ABCA1: variants seen among roughly 807,000 people sequenced by gnomAD.
ABCA1 encodes phospholipid-transporting ATPase ABCA1.
Under a neutral mutation model 262.5 loss-of-function variants are expected in ABCA1, and 133 were observed. The observed-to-expected ratio is 0.51, with a 90% CI of 0.44 to 0.59. ABCA1 has a LOEUF of 0.59. ABCA1 is among the 20% of genes least tolerant of loss of function. The pLI is 0.00. For synonymous variants in ABCA1, 1,022 were observed against 1,043.5 expected, an observed-to-expected ratio of 0.98 and a Z score of 0.40; for missense variants, 2,452 against 2,777.5, an observed-to-expected ratio of 0.88 and a Z score of 2.63.
intron 5 of ABCA1, among the ~76,000 whole-genome samples, chr9:104,868,479 T>C (rs1837290746): frequency 6.6e-6 from 1 of 152,204 alleles, no homozygotes; most frequent in South Asian, 2.1e-4. Flanking sequence ...TTCGCTCGGG[T>C]AACTGGAAGG....
At position 104,884,453 on chromosome 9, in the gene ABCA1, T is replaced by G; in HGVS notation, c.276A>C (p.Gly92=). The G allele has an allele frequency of 6.2e-7, 1 of 1,614,170 alleles. No individual in the cohort carries two copies. Among genetic ancestry groups the G allele is most frequent in the African/African-American group, 1.3e-5 (1 of 75,050 alleles). The stretch of plus-strand genomic sequence containing the variant: ...TGGATTTGTTAAAGTTTCCAACAAC[T>G]CCGGGAGCCTCCCCAGGAGTCGGGT... ...FRYPTPGEAP[G]VVGNFNKSIV... The change falls in exon 4 of 50, where the codon GGA becomes GGC. Residue 92 remains glycine, a synonymous_variant. Coordinates refer to ENST00000374736, the MANE Select transcript of ABCA1 (RefSeq NM_005502.4).
At chr9:104,806,084 G>T (rs569543671) in intron 31 of ABCA1, among the ~76,000 whole-genome samples, 157 bp downstream of exon 31, 67 of 151,948 alleles carry the variant, frequency 4.4e-4, no homozygotes, top group African/African-American at 1.5e-3. Flanking sequence ...CAGCCTGGGC[G>T]ACAGAGCAAG....
At position 104,831,703 on chromosome 9, in the gene ABCA1, C is replaced by T. The variant is rs545151589; in HGVS notation, c.1634G>A (p.Ser545Asn). 127 of 1,614,200 alleles carry T rather than the reference C, an allele frequency of 7.9e-5. 1 individual carries two copies. In the South Asian group the frequency reaches 1.4e-3, roughly 17 times the overall value. ...CTTGACATGATGGGGCAGCTCAATG[C>T]TGCCTGGAGTAATTCCAGTGAACAC... ...GIVFTGITPGSIELPHHVKYK... is the reference protein window; with the variant it reads ...GIVFTGITPGNIELPHHVKYK... Residue 545 changes from serine (S) to asparagine (N), a missense_variant, in exon 13 of 50, where the codon AGC becomes AAC. Ser to Asn is a conservative substitution (Grantham distance 46, BLOSUM62 1). Coordinates refer to ENST00000374736, the MANE Select transcript of ABCA1 (RefSeq NM_005502.4).
rs1422665327 is a variant in ABCA1 at position 104,862,674 on chromosome 9, C to T, written c.422-874G>A. 2.3e-3 allele frequency among the ~76,000 whole-genome samples: 21 copies of T among 9,220 alleles called. 4 individuals carry two copies. The highest frequency in any genetic ancestry group is 4.8e-3 in the Non-Finnish European group (19 of 3,932). 6.0% of individuals were successfully genotyped at this position (9,220 alleles called of 152,430 possible). A position where few individuals can be genotyped will look rare whatever the true frequency, so the allele number is the denominator to read the frequency against. On this transcript the variant is annotated intron_variant, in intron 5 of 49. Coordinates refer to ENST00000374736, the MANE Select transcript of ABCA1 (RefSeq NM_005502.4). ...CGGGCCGGGCCGGGCCGGGCCGGGC[C>T]GGGCCGGGCCGGGCCGGGCCGGGCC... is the stretch of plus-strand genomic sequence containing the variant.
intron 42 of ABCA1, 22 bp downstream of exon 42, chr9:104,792,764 A>G (rs1374822310): frequency 1.9e-6 from 3 of 1,613,900 alleles, no homozygotes; most frequent in African/African-American, 2.7e-5. Flanking sequence ...AAGATGAGCT[A>G]TTGTAACCTG....
At chr9:104,849,216 A>G (rs774226766) in intron 7 of ABCA1, among the ~76,000 whole-genome samples, 1 of 152,252 alleles carries the variant, frequency 6.6e-6, no homozygotes, top group Non-Finnish European at 1.5e-5. Flanking sequence ...CAGGGCCTAA[A>G]GCATGACTGT....
At chr9:104,809,800 T>A (rs1240433817) in intron 29 of ABCA1, among the ~76,000 whole-genome samples, 1 of 152,182 alleles carries the variant, frequency 6.6e-6, no homozygotes, top group Non-Finnish European at 1.5e-5. Flanking sequence ...GGGCTGTATG[T>A]ATAAAGGTGT....
intron 27 of ABCA1, among the ~76,000 whole-genome samples, chr9:104,813,326 C>T (rs1177895731): frequency 6.6e-6 from 1 of 152,236 alleles, no homozygotes; most frequent in East Asian, 1.9e-4. Flanking sequence ...TGTGCTTTTA[C>T]ATCTTAACAA....
At chr9:104,868,424 C>T (rs77860668) in intron 5 of ABCA1, among the ~76,000 whole-genome samples, 1,578 of 152,316 alleles carry the variant, frequency 0.01, 31 homozygotes, top group African/African-American at 0.035. Flanking sequence ...AGATCAAGAA[C>T]GTGAACGTGC....
chr9:104,887,540 G>A (rs1839288572), intron 3 of ABCA1, among the ~76,000 whole-genome samples: 1 of 151,872 alleles, frequency 6.6e-6, no homozygotes, highest in Admixed American at 6.6e-5. Context: ...AAAATCATTC[G>A]TCTAGTAGAT....
chr9:104,905,084 G>A (rs1194882683), intron 1 of ABCA1, among the ~76,000 whole-genome samples: 3 of 152,142 alleles, frequency 2.0e-5, no homozygotes, highest in Admixed American at 6.5e-5. Context: ...GTGAAAATTC[G>A]GCCCTGCTGG....
rs142749263 is a variant in ABCA1, at chr9:104,863,990, A to T, written c.422-2190T>A. Among the ~76,000 whole-genome samples, 1,436 of 152,370 alleles carry T rather than the reference A, an allele frequency of 9.4e-3. 14 individuals are homozygous for T. Among genetic ancestry groups the T allele is most frequent in the Middle Eastern group, 0.027 (8 of 294 alleles). ...GCAGAGCCTACAAATCTACATTTGA[A>T]TAAGCATCCCTTACACTTTTAATGT... On this transcript the variant is annotated intron_variant, in intron 5 of 49. Transcript: ENST00000374736.
At chr9:104,861,643 T>C in intron 6 of ABCA1, 36 bp downstream of exon 6, 1 of 1,613,890 alleles carries the variant, frequency 6.2e-7, no homozygotes, top group South Asian at 1.1e-5. Flanking sequence ...GTAATTGCCA[T>C]CAGCCCTACT....
chr9:104,785,066 T>C (rs1828806081), intron 49 of ABCA1, among the ~76,000 whole-genome samples: 1 of 152,216 alleles, frequency 6.6e-6, no homozygotes, highest in African/African-American at 2.4e-5. Context: ...TGAGTACTTC[T>C]TAAGTGTCAG....
chr9:104,854,192 G>C (rs1444042392), intron 7 of ABCA1, among the ~76,000 whole-genome samples: 1 of 152,146 alleles, frequency 6.6e-6, no homozygotes, highest in East Asian at 1.9e-4. Context: ...ACCAGCCCCT[G>C]CTGACAGCCA....
chr9:104,800,059 C>T, intron 35 of ABCA1, 71 bp from the exon 36 acceptor site: 2 of 1,535,400 alleles, frequency 1.3e-6, no homozygotes, highest in East Asian at 4.5e-5. Context: ...GCATACCCAC[C>T]AACCATGCCC....
chr9:104,920,600 C>A (rs1237999016), intron 1 of ABCA1, among the ~76,000 whole-genome samples: 4 of 152,156 alleles, frequency 2.6e-5, no homozygotes, highest in African/African-American at 7.2e-5. Context: ...CAATCTCTGC[C>A]TCCTGGGTTC....
intron 23 of ABCA1, among the ~76,000 whole-genome samples, chr9:104,818,443 T>C (rs1029366256): frequency 2.6e-5 from 4 of 152,260 alleles, no homozygotes; most frequent in Non-Finnish European, 5.9e-5. Context: ...CTGTGCCTCA[T>C]AGGAAAAGGA....
chr9:104,924,351 T>C (rs1447912909), intron 1 of ABCA1, among the ~76,000 whole-genome samples: 1 of 152,218 alleles, frequency 6.6e-6, no homozygotes. Flanking sequence ...GGCTCATGCC[T>C]GTAATCCCAG....
Sources: allele counts gnomAD v4.1 joint callset (sites outside exome capture counted in the v4.1 genomes callset), GRCh38; gene constraint gnomAD v4.1.1; transcripts MANE v1.5; gene names NCBI Gene and HGNC (gene_info 2026-07-23, HGNC 2026-07-21).